The following VWF variants were observed in gnomAD, a reference collection of about 807,000 sequenced individuals.
VWF encodes the protein von Willebrand factor.
In VWF, 176 loss-of-function variants were observed where a neutral mutation model predicts 308.6. The ratio of observed to expected loss-of-function variants is 0.57; its 90% confidence interval spans 0.50 to 0.65. The LOEUF is 0.65. Among genes scored for constraint, VWF ranks in the 30% least tolerant of loss-of-function variants. The probability of loss-of-function intolerance (pLI) is 0.00; values close to 1 mark genes in which losing one functional copy is unlikely to be tolerated. For synonymous variants in VWF, 1,385 were observed against 1,443.4 expected (o/e 0.96, Z 0.92); for missense variants, 3,146 against 3,648.2 (o/e 0.86, Z 3.55).
intron 38 of VWF, among the ~76,000 whole-genome samples, chr12:5,987,363 G>A (rs1187084685): frequency 6.6e-6 from 1 of 152,188 alleles, no homozygotes; most frequent in African/African-American, 2.4e-5. Context: ...CAGATAAGTA[G>A]TAGTATCTAT....
At chr12:5,965,575 G>A (rs1330559798) in intron 47 of VWF, among the ~76,000 whole-genome samples, 1 of 152,172 alleles carries the variant, frequency 6.6e-6, no homozygotes, top group Non-Finnish European at 1.5e-5. Flanking sequence ...CCACTTGTCA[G>A]CACAAACTGC....
At chr12:6,122,078 T>C (rs1300669444) in intron 2 of VWF, among the ~76,000 whole-genome samples, 1 of 152,252 alleles carries the variant, frequency 6.6e-6, no homozygotes, top group Non-Finnish European at 1.5e-5. Context: ...GGGTTTTTTA[T>C]AAATTGGTGA....
chr12:6,073,754 A>G lies in VWF; in HGVS notation c.875-13T>C, dbSNP rs767611241. 6.2e-7 allele frequency: 1 copy of G among 1,613,798 alleles called. No individual in the cohort carries two copies. The highest frequency in any genetic ancestry group is 8.5e-7 in the Non-Finnish European group (1 of 1,179,950). Reference sequence around the variant, plus strand: ...GGGCACACTGGGCCTGAAAAGGAACATCAAAGGGGTCTACCCAGGGCAGGT... The same window carrying G: ...GGGCACACTGGGCCTGAAAAGGAACGTCAAAGGGGTCTACCCAGGGCAGGT... On this transcript the variant is annotated splice_polypyrimidine_tract_variant and intron_variant, in intron 7 of 51. Coordinates refer to ENST00000261405, the MANE Select transcript of VWF (RefSeq NM_000552.5).
At chr12:6,000,828 A>G (rs947923846) in intron 34 of VWF, among the ~76,000 whole-genome samples, 1 of 151,356 alleles carries the variant, frequency 6.6e-6, no homozygotes, top group Non-Finnish European at 1.5e-5. Flanking sequence ...AAAAAAAAAA[A>G]AAAAAAGAAA....
intron 5 of VWF, among the ~76,000 whole-genome samples, chr12:6,107,661 T>C (rs750016601): frequency 9.9e-5 from 15 of 151,590 alleles, no homozygotes; most frequent in Non-Finnish European, 1.9e-4. Flanking sequence ...TCAATATATA[T>C]ATATATATAT....
chr12:6,027,442 T>C (rs1309693802), intron 22 of VWF, among the ~76,000 whole-genome samples: 1 of 152,208 alleles, frequency 6.6e-6, no homozygotes, highest in East Asian at 1.9e-4. Flanking sequence ...ACCAGGATTA[T>C]GGAAGGCAAA....
chr12:6,038,772 T>C (rs1427507051), intron 18 of VWF, among the ~76,000 whole-genome samples: 2 of 152,210 alleles, frequency 1.3e-5, no homozygotes, highest in Non-Finnish European at 2.9e-5. Context: ...AGGACTGCTA[T>C]GAAGGCCACA....
At chr12:6,010,449 G>A (rs900579949) in intron 34 of VWF, among the ~76,000 whole-genome samples, 6 of 152,190 alleles carry the variant, frequency 3.9e-5, no homozygotes, top group Admixed American at 1.3e-4. Flanking sequence ...GAGAATCTGG[G>A]AATGTCTAAG....
chr12:6,118,336 C>T (rs1237350544), intron 3 of VWF, among the ~76,000 whole-genome samples: 3 of 150,716 alleles, frequency 2.0e-5, no homozygotes, highest in Non-Finnish European at 4.4e-5. Context: ...GCCCCCACCC[C>T]GGGCACTGCA....
chr12:6,097,277 A>C (rs924458064), intron 5 of VWF, among the ~76,000 whole-genome samples: 4 of 152,142 alleles, frequency 2.6e-5, no homozygotes, highest in African/African-American at 9.7e-5. Flanking sequence ...TCTACTAAAA[A>C]TACAAAAAAA....
intron 2 of VWF, among the ~76,000 whole-genome samples, chr12:6,121,541 C>T (rs1336825194): frequency 1.3e-5 from 2 of 152,188 alleles, no homozygotes; most frequent in Non-Finnish European, 2.9e-5. Flanking sequence ...AACTAAGGAA[C>T]AGTTTTTCAG....
chr12:6,053,605 T>C (rs1944543726), intron 15 of VWF, among the ~76,000 whole-genome samples: 3 of 152,092 alleles, frequency 2.0e-5, no homozygotes, highest in Admixed American at 2.0e-4. Flanking sequence ...TGTAGCAAAG[T>C]GGCAACGCAG....
chr12:6,074,073 C>T (rs1473691995), intron 7 of VWF, among the ~76,000 whole-genome samples: 1 of 152,100 alleles, frequency 6.6e-6, no homozygotes, highest in Non-Finnish European at 1.5e-5. Flanking sequence ...CACCAAACTC[C>T]TCTAGGCTCA....
rs1449780786 is a variant in VWF, at chr12:6,018,360, C to G, written c.5053+5G>C. ...CTCCCACCTGCACACAAGGTGCCAGCATACCAGGTGCAGGGGAGAGGGTGG... is the reference window on the plus strand; with the variant it reads ...CTCCCACCTGCACACAAGGTGCCAGGATACCAGGTGCAGGGGAGAGGGTGG... On this transcript the variant is annotated splice_donor_5th_base_variant and intron_variant, in intron 28 of 51. Transcript: ENST00000261405. 1 of 1,608,364 alleles carries G rather than the reference C, an allele frequency of 6.2e-7. No individual in the cohort carries two copies. Among genetic ancestry groups the G allele is most frequent in the Admixed American group, 1.7e-5 (1 of 59,722 alleles).
chr12:6,031,194 A>C (rs1944257598), intron 21 of VWF, among the ~76,000 whole-genome samples: 1 of 152,182 alleles, frequency 6.6e-6, no homozygotes, highest in African/African-American at 2.4e-5. Context: ...TTGTGCAGAC[A>C]CATGTGCACA....
intron 6 of VWF, among the ~76,000 whole-genome samples, chr12:6,089,526 CAA>C (rs1945008618): frequency 6.6e-6 from 1 of 152,132 alleles, no homozygotes; most frequent in African/African-American, 2.4e-5. Flanking sequence ...CCCCGGGAGG[CAA>C]ACAAGGCTTC....
chr12:5,964,051 CAAAAAAAAGA>C (rs1943351196), intron 47 of VWF, among the ~76,000 whole-genome samples: 1 of 151,328 alleles, frequency 6.6e-6, no homozygotes, highest in Non-Finnish European at 1.5e-5. Flanking sequence ...ACTAAAAATA[CAAAAAAAAGA>C]AAAAAATTAG....
intron 5 of VWF, 88 bp from the exon 6 acceptor site, chr12:6,095,672 T>C: frequency 1.3e-6 from 2 of 1,592,812 alleles, no homozygotes; most frequent in Non-Finnish European, 8.6e-7. Context: ...CTGGTGGTTT[T>C]GTGTGTTTTG....
chr12:5,975,869 C>CG (rs1357605738), intron 43 of VWF, among the ~76,000 whole-genome samples: 4 of 152,170 alleles, frequency 2.6e-5, no homozygotes, highest in Non-Finnish European at 4.4e-5. Context: ...CCCTAACCCC[C>CG]TCCCTCTTCC....
Sources: gnomAD v4.1 joint callset for allele counts (sites outside exome capture counted in the v4.1 genomes callset) on GRCh38, gnomAD v4.1.1 for gene constraint, MANE v1.5 for transcripts, NCBI Gene and HGNC (gene_info 2026-07-23, HGNC 2026-07-21) for gene names.